Variants in NEXMIF observed in about 807,000 individuals in gnomAD.
NEXMIF encodes the protein XLMR protein related to neurite extension.
In NEXMIF, 8 loss-of-function variants were observed where a neutral mutation model predicts 62.1. That is an observed-to-expected ratio of 0.13 (90% CI 0.08 to 0.23). NEXMIF has a LOEUF of 0.23. NEXMIF is among the 10% of genes least tolerant of loss of function. The pLI is 1.00. For synonymous variants in NEXMIF, 404 were observed against 416.6 expected (o/e 0.97, Z 0.37); for missense variants, 976 against 1,113.3 (o/e 0.88, Z 1.75).
chrX:74,751,637 C>T (rs2080143149), intron 1 of NEXMIF, among the ~76,000 whole-genome samples: 1 of 99,310 alleles, frequency 1.0e-5, no homozygotes, highest in Non-Finnish European at 2.0e-5. Flanking sequence ...TCCTTCCTTC[C>T]TTCCTTCCTT....
rs2080115028 is a variant in NEXMIF, at chrX:74,743,509, A to C, written c.1048T>G (p.Ser350Ala). Residue 350 changes from serine (S) to alanine (A), a missense_variant, in exon 3 of 4, where the codon TCT becomes GCT. This residue lies in a region of NEXMIF where 639 missense variants were observed against 694.5 expected (regional missense o/e 0.92). Transcript: ENST00000055682. ...SVFTTCPKRESKSGALKQSSD... is the reference protein window; with the variant it reads ...SVFTTCPKREAKSGALKQSSD... ...CTCTGCTTCAGGGCCCCACTCTTAGACTCTCGCTTGGGGCAGGTAGTAAAG... is the reference window on the plus strand; with the variant it reads ...CTCTGCTTCAGGGCCCCACTCTTAGCCTCTCGCTTGGGGCAGGTAGTAAAG... 1 of 1,210,683 alleles carries C rather than the reference A, an allele frequency of 8.3e-7. No individual in the cohort carries two copies. The highest frequency in any genetic ancestry group is 1.1e-6 in the Non-Finnish European group (1 of 895,304).
In NEXMIF at chrX:74,753,264, G is replaced by A. The variant is rs950656939; in HGVS notation, c.-47-7567C>T. Among the ~76,000 whole-genome samples the A allele has an allele frequency of 3.6e-5, 4 of 111,667 alleles. No individual in the cohort carries two copies. In the East Asian group the frequency reaches 1.1e-3, roughly 31 times the overall value. On this transcript the variant is annotated intron_variant, in intron 1 of 3. Coordinates refer to ENST00000055682, the MANE Select transcript of NEXMIF (RefSeq NM_001008537.3). The stretch of plus-strand genomic sequence containing the variant: ...CAGAAATGTAATCACTAAACCACAG[G>A]GCTGGAAGGATCTTGGAAGATAGTC...
At chrX:74,880,134 T>C (rs2080656884) in intron 1 of NEXMIF, among the ~76,000 whole-genome samples, 1 of 112,218 alleles carries the variant, frequency 8.9e-6, no homozygotes, top group Non-Finnish European at 1.9e-5. Flanking sequence ...AATGGCATAG[T>C]TTTTATGTAA....
At chrX:74,760,914 C>T (rs2080173975) in intron 1 of NEXMIF, among the ~76,000 whole-genome samples, 1 of 109,382 alleles carries the variant, frequency 9.1e-6, no homozygotes, top group South Asian at 3.9e-4. Flanking sequence ...GTTGCCCAGG[C>T]TGGAGTGCAA....
rs755903731 is a variant in NEXMIF at position 74,773,888 on chromosome X, G to A, written c.-47-28191C>T. ...TGCCCCACTGCACTTCAGCCTGGGC[G>A]ACAGAGTAAGACTCCGTCTCAAAAA... is the stretch of plus-strand genomic sequence containing the variant. On this transcript the variant is annotated intron_variant, in intron 1 of 3. Coordinates refer to ENST00000055682, the MANE Select transcript of NEXMIF (RefSeq NM_001008537.3). Among the ~76,000 whole-genome samples, 320 of 82,361 alleles carry A rather than the reference G, an allele frequency of 3.9e-3. 2 individuals carry two copies. Among genetic ancestry groups the A allele is most frequent in the African/African-American group, 0.014 (305 of 21,786 alleles). The allele number at this position is 82,361 out of a possible 115,157, so 71.5% of individuals were successfully genotyped here. A position where few individuals can be genotyped will look rare whatever the true frequency, so the allele number is the denominator to read the frequency against.
At chrX:74,902,841 C>T (rs184342760) in intron 1 of NEXMIF, among the ~76,000 whole-genome samples, 1 of 111,970 alleles carries the variant, frequency 8.9e-6, no homozygotes, top group Non-Finnish European at 1.9e-5. Context: ...CAGGCAAGTT[C>T]TCTGGAGGTT....
At chrX:74,776,465 C>A (rs1408147546) in intron 1 of NEXMIF, among the ~76,000 whole-genome samples, 1 of 111,265 alleles carries the variant, frequency 9.0e-6, no homozygotes, top group East Asian at 2.8e-4. Context: ...GTGGCTCACG[C>A]CTGTAATCCC....
chrX:74,876,243 T>C (rs1439049751), intron 1 of NEXMIF, among the ~76,000 whole-genome samples: 1 of 111,514 alleles, frequency 9.0e-6, no homozygotes, highest in Non-Finnish European at 1.9e-5. Flanking sequence ...TTCGTTTCAT[T>C]ATGTACCCAG....
chrX:74,920,470 GTTGT>G lies in NEXMIF; in HGVS notation c.-48+4409_-48+4412del, dbSNP rs747370803. Among the ~76,000 whole-genome samples, 10 of 111,194 alleles carry G rather than the reference GTTGT, an allele frequency of 9.0e-5. No homozygotes were observed. The South Asian group carries it at 1.2e-3, about 13-fold the overall frequency. ...TATCCTTTGCCCACTTTTTGATGGGGTTGTTTGTTTTTTTCTTGTAAATTTGTTT... is the reference window on the plus strand; with the variant it reads ...TATCCTTTGCCCACTTTTTGATGGGGTTGTTTTTTTCTTGTAAATTTGTTT... On this transcript the variant is annotated intron_variant, in intron 1 of 3. Coordinates refer to ENST00000055682, the MANE Select transcript of NEXMIF (RefSeq NM_001008537.3).
intron 1 of NEXMIF, among the ~76,000 whole-genome samples, chrX:74,907,211 C>A (rs184922848): frequency 1.2e-3 from 137 of 111,330 alleles, no homozygotes; most frequent in African/African-American, 4.2e-3. Context: ...CGAGGAACAT[C>A]AAGGGAAAAG....
chrX:74,913,074 G>A (rs1046973784), intron 1 of NEXMIF, among the ~76,000 whole-genome samples: 3 of 111,876 alleles, frequency 2.7e-5, no homozygotes, highest in Admixed American at 9.5e-5. Flanking sequence ...TCATACCAAT[G>A]ACCAGAAAGA....
intron 1 of NEXMIF, among the ~76,000 whole-genome samples, chrX:74,758,239 A>C (rs2080164867): frequency 9.0e-6 from 1 of 111,022 alleles, no homozygotes; most frequent in South Asian, 3.8e-4. Flanking sequence ...TCTAACATAA[A>C]AAATTAATAA....
intron 1 of NEXMIF, among the ~76,000 whole-genome samples, chrX:74,892,097 C>T (rs1244293633): frequency 1.8e-5 from 2 of 112,311 alleles, no homozygotes; most frequent in Non-Finnish European, 3.8e-5. Context: ...TTGACTTGGC[C>T]ACAGGCAATA....
intron 1 of NEXMIF, among the ~76,000 whole-genome samples, chrX:74,809,083 C>T (rs1260991868): frequency 5.4e-5 from 6 of 111,368 alleles, no homozygotes; most frequent in Non-Finnish European, 1.1e-4. Flanking sequence ...CATGTGAAGA[C>T]ACAGTAAGAA....
intron 1 of NEXMIF, among the ~76,000 whole-genome samples, chrX:74,887,041 C>A (rs945003703): frequency 6.2e-5 from 7 of 112,260 alleles, no homozygotes; most frequent in African/African-American, 1.9e-4. Context: ...CAAAAACAAG[C>A]AATGGGGAAA....
At chrX:74,750,394 A>G (rs1390986813) in intron 1 of NEXMIF, among the ~76,000 whole-genome samples, 2 of 111,927 alleles carry the variant, frequency 1.8e-5, no homozygotes, top group Admixed American at 9.5e-5. Flanking sequence ...AAGCAAGGCC[A>G]GTATGAAGAC....
chrX:74,835,143 CTTGA>C (rs772365476), intron 1 of NEXMIF, among the ~76,000 whole-genome samples: 7 of 112,018 alleles, frequency 6.2e-5, no homozygotes, highest in African/African-American at 1.9e-4. Context: ...AGAATTTCTG[CTTGA>C]TTCTTTTTAA....
intron 1 of NEXMIF, among the ~76,000 whole-genome samples, chrX:74,796,284 T>A (rs1445678780): frequency 3.4e-4 from 7 of 20,581 alleles, no homozygotes; most frequent in Admixed American, 1.4e-3. Flanking sequence ...ACATATATAT[T>A]ATATATATTA....
chrX:74,814,327 T>G (rs1315219763), intron 1 of NEXMIF, among the ~76,000 whole-genome samples: 1 of 111,969 alleles, frequency 8.9e-6, no homozygotes, highest in Non-Finnish European at 1.9e-5. Context: ...CCTGAATGAC[T>G]GTATACATTA....
Sources: allele counts gnomAD v4.1 joint callset (sites outside exome capture counted in the v4.1 genomes callset), GRCh38; gene constraint gnomAD v4.1.1; regional missense constraint gnomAD v4.1.1; transcripts MANE v1.5; gene names NCBI Gene and HGNC (gene_info 2026-07-23, HGNC 2026-07-21).